The following STK31 variants were observed in gnomAD, a reference collection of about 807,000 sequenced individuals.
STK31 encodes serine/threonine-protein kinase 31.
Under a neutral mutation model 129.7 loss-of-function variants are expected in STK31, and 89 were observed. The ratio of observed to expected loss-of-function variants is 0.69; its 90% CI spans 0.58 to 0.82. The LOEUF is 0.82. STK31 is among the 40% of genes least tolerant of loss of function. The pLI is 0.00. For missense variants in STK31, 1,187 were observed against 1,176.4 expected (o/e 1.01, Z -0.13); for synonymous variants, 448 against 395.3 (o/e 1.13, Z -1.58).
intron 4 of STK31, among the ~76,000 whole-genome samples, chr7:23,725,425 C>T (rs140263607): frequency 6.8e-6 from 1 of 146,716 alleles, no homozygotes; most frequent in East Asian, 2.1e-4. Context: ...TGCCTGTAAC[C>T]CCAGATATTT....
chr7:23,823,796 A>G (rs1355213192), intron 23 of STK31, among the ~76,000 whole-genome samples: 1 of 152,330 alleles, frequency 6.6e-6, no homozygotes, highest in South Asian at 2.1e-4. Context: ...GAAGGGATCC[A>G]GTTTCAGCTT....
In STK31 at chr7:23,786,875, C is replaced by G. The variant is rs751471692; in HGVS notation, c.2438C>G (p.Pro813Arg). 2.5e-6 allele frequency: 4 copies of G among 1,613,950 alleles called. No homozygotes were observed. The highest frequency in any genetic ancestry group is 3.4e-6 in the Non-Finnish European group (4 of 1,179,930). ...PMAYLMVPYYPRANLNAVQAN... is the reference protein window; with the variant it reads ...PMAYLMVPYYRRANLNAVQAN... ...GCTTATCTGATGGTCCCATACTACC[C>G]TAGGGCAAACCTGAATGCTGTTCAA... Residue 813 changes from proline to arginine, a missense_variant, in exon 20 of 24, where the codon CCT becomes CGT. Pro to Arg is a moderately radical substitution (Grantham distance 103). Transcript: ENST00000355870.
chr7:23,819,401 T>C (rs1340971414), intron 23 of STK31, among the ~76,000 whole-genome samples: 1 of 145,508 alleles, frequency 6.9e-6, no homozygotes, highest in East Asian at 2.1e-4. Context: ...ACACTAGCAG[T>C]AAACAGATGA....
intron 4 of STK31, among the ~76,000 whole-genome samples, chr7:23,724,897 G>A (rs992953340): frequency 1.3e-5 from 2 of 152,090 alleles, no homozygotes; most frequent in Non-Finnish European, 2.9e-5. Flanking sequence ...AATAGGTTTG[G>A]TGTTTAGGTT....
chr7:23,717,097 C>CTTTTTTTTTTTTTTTTTTTTTTTTTTTT (rs70956911), intron 3 of STK31, among the ~76,000 whole-genome samples: 2 of 42,936 alleles, frequency 4.7e-5, no homozygotes, highest in Non-Finnish European at 8.4e-5. Context: ...TCGCAACCTG[C>CTTTTTTTTTTTTTTTTTTTTTTTTTTTT]TTTTTTTTTT....
chr7:23,830,390 A>T (rs2128134622), intron 23 of STK31, among the ~76,000 whole-genome samples: 1 of 152,092 alleles, frequency 6.6e-6, no homozygotes, highest in East Asian at 1.9e-4. Flanking sequence ...TATTGCTATA[A>T]ACTTCTCTTT....
chr7:23,748,066 A>C (rs1284619961), intron 8 of STK31, among the ~76,000 whole-genome samples: 2 of 152,162 alleles, frequency 1.3e-5, no homozygotes, highest in Non-Finnish European at 2.9e-5. Context: ...GTTTCTTTTC[A>C]CTTCTAATAT....
intron 3 of STK31, among the ~76,000 whole-genome samples, chr7:23,713,346 C>A (rs892380039): frequency 3.2e-4 from 48 of 152,132 alleles, no homozygotes; most frequent in African/African-American, 1.2e-3. Flanking sequence ...ATGGAGCTTG[C>A]AGGATTAGAA....
At chr7:23,810,312 A>C (rs1446740192) in intron 22 of STK31, among the ~76,000 whole-genome samples, 1 of 151,756 alleles carries the variant, frequency 6.6e-6, no homozygotes, top group Non-Finnish European at 1.5e-5. Flanking sequence ...GTTTCTTGTA[A>C]ATAACATATA....
intron 23 of STK31, among the ~76,000 whole-genome samples, chr7:23,816,184 A>C (rs544270708): frequency 6.6e-6 from 1 of 152,138 alleles, no homozygotes; most frequent in Admixed American, 6.5e-5. Flanking sequence ...TTTGTGTTAC[A>C]CTTCCTGATT....
chr7:23,789,151 A>C (rs1791471717), intron 21 of STK31, among the ~76,000 whole-genome samples: 1 of 152,120 alleles, frequency 6.6e-6, no homozygotes, highest in Non-Finnish European at 1.5e-5. Flanking sequence ...TTTTATTGCC[A>C]AATTATATTT....
chr7:23,828,315 C>T (rs986089711), intron 23 of STK31, among the ~76,000 whole-genome samples: 2 of 152,218 alleles, frequency 1.3e-5, no homozygotes, highest in African/African-American at 2.4e-5. Flanking sequence ...CCCCCAGCCT[C>T]GCTGCCGCCT....
At chr7:23,791,346 A>G in intron 22 of STK31, 1 of 981,672 alleles carries the variant, frequency 1.0e-6, no homozygotes, top group South Asian at 4.7e-5. Context: ...GCTGGAGACC[A>G]TTATCCTAAG....
chr7:23,752,636 C>T, intron 8 of STK31, 81 bp from the exon 9 acceptor site: 1 of 1,077,950 alleles, frequency 9.3e-7, no homozygotes, highest in Non-Finnish European at 1.4e-6. Flanking sequence ...CCACTGTGCC[C>T]AGCCAAAAAT....
intron 10 of STK31, among the ~76,000 whole-genome samples, chr7:23,756,375 A>G (rs1209310870): frequency 2.6e-5 from 4 of 152,234 alleles, no homozygotes; most frequent in Non-Finnish European, 4.4e-5. Context: ...GCAGTTGCCT[A>G]TCAGTTCAAG....
intron 23 of STK31, among the ~76,000 whole-genome samples, chr7:23,825,378 A>G (rs1292260512): frequency 1.3e-5 from 2 of 152,204 alleles, no homozygotes; most frequent in African/African-American, 2.4e-5. Context: ...TTTCTAGTTT[A>G]TTTGCGTAGA....
chr7:23,832,035 C>T, intron 23 of STK31, 101 bp from the exon 24 acceptor site: 3 of 791,578 alleles, frequency 3.8e-6, no homozygotes, highest in Non-Finnish European at 6.2e-6. Context: ...TGAAACCCCT[C>T]CTTCCTGACT....
chr7:23,821,840 G>A (rs1385345099), intron 23 of STK31, among the ~76,000 whole-genome samples: 3 of 152,012 alleles, frequency 2.0e-5, no homozygotes, highest in Non-Finnish European at 2.9e-5. Context: ...TATGGTGAGA[G>A]GTGAGGGTCT....
intron 10 of STK31, among the ~76,000 whole-genome samples, chr7:23,759,875 G>C (rs1789352403): frequency 6.6e-6 from 1 of 152,182 alleles, no homozygotes; most frequent in Admixed American, 6.5e-5. Flanking sequence ...GTTGTTACAA[G>C]AGATACTGGC....
Sources: allele counts gnomAD v4.1 joint callset (sites outside exome capture counted in the v4.1 genomes callset), GRCh38; gene constraint gnomAD v4.1.1; transcripts MANE v1.5; gene names NCBI Gene and HGNC (gene_info 2026-07-23, HGNC 2026-07-21).